UBR3: variants seen among roughly 807,000 people sequenced by gnomAD.
The protein encoded by UBR3 is E3 ubiquitin-protein ligase UBR3.
UBR3 carries 85 observed loss-of-function variants against 243.2 expected under a neutral mutation model. That is an observed-to-expected ratio of 0.35 (90% CI 0.29 to 0.42). The LOEUF (loss-of-function observed/expected upper bound fraction) is 0.42, where lower values mean the gene tolerates loss of function less well. Ranked by LOEUF, UBR3 falls within the 10% of genes least tolerant of loss-of-function variation. The pLI is 1.00. For missense variants in UBR3, 1,686 were observed against 2,300.8 expected (o/e 0.73, Z 5.47); for synonymous variants, 748 against 799.8 (o/e 0.94, Z 1.09).
At chr2:169,933,901 CAA>C (rs2086229718) in intron 19 of UBR3, among the ~76,000 whole-genome samples, 2 of 152,158 alleles carry the variant, frequency 1.3e-5, no homozygotes, top group Non-Finnish European at 2.9e-5. Context: ...ACAACAACAA[CAA>C]CAACCCAGTT....
At chr2:169,990,038 A>T (rs967151685) in intron 25 of UBR3, among the ~76,000 whole-genome samples, 2 of 152,122 alleles carry the variant, frequency 1.3e-5, no homozygotes, top group African/African-American at 4.8e-5. Context: ...TTTAGTGGGA[A>T]ATGGTATTTA....
intron 5 of UBR3, among the ~76,000 whole-genome samples, chr2:169,890,647 T>G (rs973321698): frequency 1.4e-5 from 2 of 140,860 alleles, no homozygotes; most frequent in Non-Finnish European, 3.2e-5. Flanking sequence ...TTGGATTTTT[T>G]TTCTAAGCAT....
At chr2:169,848,334 G>GTTT (rs397966443) in intron 1 of UBR3, among the ~76,000 whole-genome samples, 10 of 129,544 alleles carry the variant, frequency 7.7e-5, no homozygotes, top group African/African-American at 2.0e-4. Flanking sequence ...AAGTATCATA[G>GTTT]TTTTTTTTTT....
At chr2:169,836,061 ATATATATTTTT>A (rs2082097106) in intron 1 of UBR3, among the ~76,000 whole-genome samples, 6 of 33,990 alleles carry the variant, frequency 1.8e-4, no homozygotes, top group Non-Finnish European at 3.9e-4. Flanking sequence ...ATATATATAT[ATATATATTTTT>A]TTTTTTTTTT....
At chr2:170,077,204 A>G (rs2091828254) in intron 36 of UBR3, 1 of 688,360 alleles carries the variant, frequency 1.5e-6, no homozygotes, top group Non-Finnish European at 2.8e-6. Context: ...AGTCTTCAAT[A>G]AATATCTATG....
At chr2:169,964,738 G>T in intron 24 of UBR3, 2 of 391,490 alleles carry the variant, frequency 5.1e-6, no homozygotes, top group Non-Finnish European at 1.0e-5. Flanking sequence ...TTACAGCTCA[G>T]TTATAGTCAA....
In UBR3 at chr2:169,921,694, G is replaced by A. The variant is rs1028805140; in HGVS notation, c.1867-2235G>A. ...GTTTTACAGCTGGGTGGTAGAACCA[G>A]GATTCTGCACTTAGGAAGCAGGCAC... is the stretch of plus-strand genomic sequence containing the variant. On this transcript the variant is annotated intron_variant, in intron 11 of 38. Coordinates refer to ENST00000272793, the MANE Select transcript of UBR3 (RefSeq NM_172070.4). Among the ~76,000 whole-genome samples, 16 of 152,230 alleles carry A rather than the reference G, an allele frequency of 1.1e-4. No homozygotes were observed. In the East Asian group the frequency reaches 3.1e-3, roughly 29 times the overall value.
At chr2:170,076,487 T>C (rs754976653) in intron 36 of UBR3, among the ~76,000 whole-genome samples, 1 of 152,192 alleles carries the variant, frequency 6.6e-6, no homozygotes, top group Non-Finnish European at 1.5e-5. Context: ...CTGCATCCAG[T>C]AGCTCTGAGA....
intron 1 of UBR3, among the ~76,000 whole-genome samples, chr2:169,868,272 C>A (rs2083322957): frequency 6.6e-6 from 1 of 152,156 alleles, no homozygotes; most frequent in East Asian, 1.9e-4. Context: ...TGAAGCAGGT[C>A]CCATATATTA....
chr2:169,890,552 T>TACATATATATAC (rs1205473917), intron 5 of UBR3, among the ~76,000 whole-genome samples: 1 of 109,820 alleles, frequency 9.1e-6, no homozygotes, highest in Non-Finnish European at 1.8e-5. Context: ...TATATATATA[T>TACATATATATAC]ATATATATAT....
intron 29 of UBR3, among the ~76,000 whole-genome samples, chr2:170,012,789 C>T (rs148420753): frequency 1.1e-4 from 17 of 151,392 alleles, no homozygotes; most frequent in Non-Finnish European, 2.2e-4. Flanking sequence ...ACCAAACCAA[C>T]GTGTGTTTGA....
At chr2:169,914,510 A>T (rs2085376993) in intron 11 of UBR3, among the ~76,000 whole-genome samples, 1 of 152,212 alleles carries the variant, frequency 6.6e-6, no homozygotes, top group Admixed American at 6.5e-5. Context: ...ATTAATGAAA[A>T]GGGTATCATA....
intron 26 of UBR3, among the ~76,000 whole-genome samples, chr2:169,998,492 C>T (rs2089578118): frequency 1.3e-5 from 2 of 152,304 alleles, no homozygotes; most frequent in South Asian, 4.1e-4. Context: ...TTTCCCTAGA[C>T]TGCATACCTC....
At chr2:169,920,332 G>T (rs12621937) in intron 11 of UBR3, among the ~76,000 whole-genome samples, 20,862 of 152,048 alleles carry the variant, frequency 0.14, 1,958 homozygotes, top group East Asian at 0.44. Flanking sequence ...GGAGGGAGGG[G>T]AGAGGGACAG....
intron 23 of UBR3, among the ~76,000 whole-genome samples, chr2:169,957,788 T>C (rs2087377819): frequency 6.6e-6 from 1 of 152,110 alleles, no homozygotes; most frequent in Admixed American, 6.6e-5. Flanking sequence ...ATAATAAATA[T>C]AATATAGTGA....
intron 19 of UBR3, among the ~76,000 whole-genome samples, chr2:169,935,869 A>G (rs2086307802): frequency 6.6e-6 from 1 of 152,214 alleles, no homozygotes; most frequent in Admixed American, 6.5e-5. Flanking sequence ...TTATTAATCT[A>G]GGTGCCACAT....
Position 169,949,977 on chromosome 2 carries a change from A to G in UBR3, c.3457A>G (p.Ile1153Val), listed in dbSNP as rs771028461. ...ASQSRMNKRI[I>V]EEICRKVTPP... ...GCAAAGTAGAATGAACAAACGCATC[A>G]TTGAAGAGATATGTAGAAAAGTGAC... is the stretch of plus-strand genomic sequence containing the variant. Residue 1153 changes from isoleucine to valine, a missense_variant, in exon 23 of 39, where the codon ATT becomes GTT. Ile to Val is a conservative substitution (Grantham distance 29). Around this residue, in one of 8 missense-constraint regions of UBR3, gnomAD observed 300 missense variants for 314.4 expected, o/e 0.95. Coordinates refer to ENST00000272793, the MANE Select transcript of UBR3 (RefSeq NM_172070.4). The G allele has an allele frequency of 3.7e-6, 6 of 1,613,708 alleles. No individual in the cohort carries two copies. The highest frequency in any genetic ancestry group is 2.2e-5 in the South Asian group (2 of 91,016).
chr2:169,972,867 C>T (rs1347517193), intron 24 of UBR3, among the ~76,000 whole-genome samples: 3 of 151,316 alleles, frequency 2.0e-5, no homozygotes, highest in Admixed American at 2.0e-4. Context: ...GACAGGGATG[C>T]CCTCTCTCAC....
intron 1 of UBR3, among the ~76,000 whole-genome samples, chr2:169,838,550 T>A (rs1408452909): frequency 1.3e-5 from 2 of 152,028 alleles, no homozygotes; most frequent in Non-Finnish European, 2.9e-5. Context: ...AGAGCCCTCA[T>A]GACTTAATCA....
Sources: allele counts gnomAD v4.1 joint callset (sites outside exome capture counted in the v4.1 genomes callset), GRCh38; gene constraint gnomAD v4.1.1; regional missense constraint gnomAD v4.1.1; transcripts MANE v1.5; gene names NCBI Gene and HGNC (gene_info 2026-07-23, HGNC 2026-07-21).